Variants in TBCEL observed in about 807,000 individuals in gnomAD.
TBCEL encodes the protein tubulin-specific chaperone cofactor E-like protein.
Under a neutral mutation model 44.2 loss-of-function variants are expected in TBCEL, and 15 were observed. The observed-to-expected ratio is 0.34, with a 90% CI of 0.23 to 0.52. The LOEUF is 0.52. TBCEL is among the 20% of genes least tolerant of loss of function. The pLI, the probability that TBCEL is intolerant of heterozygous loss-of-function variation, is 0.95. For missense variants in TBCEL, 319 were observed against 506.3 expected (o/e 0.63, Z 3.55); for synonymous variants, 171 against 185.4 (o/e 0.92, Z 0.63).
At chr11:121,044,932 T>C (rs1209342579) in intron 2 of TBCEL, among the ~76,000 whole-genome samples, 1 of 152,138 alleles carries the variant, frequency 6.6e-6, no homozygotes, top group Non-Finnish European at 1.5e-5. Context: ...TTATCTGTCA[T>C]TGAAATTTCC....
Position 121,089,019 on chromosome 11 carries a change from A to G in TBCEL, c.*1923A>G, listed in dbSNP as rs1185701908. 2 of 152,222 alleles carry G rather than the reference A, an allele frequency of 1.3e-5. No homozygotes were observed. The highest frequency in any genetic ancestry group is 2.4e-5 in the African/African-American group (1 of 41,448). The allele number at this position is 152,222 out of a possible 1,614,324, so 9.4% of individuals were successfully genotyped here. On this transcript the variant is annotated 3_prime_UTR_variant, in exon 9 of 9. Transcript: ENST00000683345. ...AGATTTTTGGAAGTAGGAAAAAAGT[A>G]TGGCAACAGTGTCATGAAGATTGAA...
chr11:121,089,754 C>CAT lies in TBCEL; in HGVS notation c.*2660_*2661dup, dbSNP rs1312236182. ...TGACTTTGTCCAGATTCAGTGAGAA[C>CAT]ATAGTATTGACATTATGAGGCAAAA... is the stretch of plus-strand genomic sequence containing the variant. On this transcript the variant is annotated 3_prime_UTR_variant, in exon 9 of 9. Transcript: ENST00000683345. The CAT allele has an allele frequency of 6.6e-6, 1 of 152,098 alleles. No individual in the cohort carries two copies. Among genetic ancestry groups the CAT allele is most frequent in the Admixed American group, 6.6e-5 (1 of 15,254 alleles). The allele number at this position is 152,098 out of a possible 1,614,324, so 9.4% of individuals were successfully genotyped here.
intron 8 of TBCEL, among the ~76,000 whole-genome samples, chr11:121,085,428 G>A (rs1468055161): frequency 6.6e-6 from 1 of 152,140 alleles, no homozygotes; most frequent in Non-Finnish European, 1.5e-5. Context: ...TTTACAAAGT[G>A]TTTACTCATT....
intron 4 of TBCEL, among the ~76,000 whole-genome samples, chr11:121,052,323 CT>C (rs139344250): frequency 0.027 from 4,065 of 151,882 alleles, 146 homozygotes; most frequent in African/African-American, 0.077. Flanking sequence ...AAATGTGTCA[CT>C]TGCTATGCTA....
chr11:121,047,866 C>G (rs1439024830), intron 4 of TBCEL, 199 bp downstream of exon 4: 3 of 507,738 alleles, frequency 5.9e-6, no homozygotes, highest in Non-Finnish European at 9.5e-6. Flanking sequence ...GAGGCTGAGG[C>G]AGGAGGATCA....
In TBCEL at chr11:121,090,606, C is replaced by T. The variant is rs1447789495; in HGVS notation, c.*3510C>T. The T allele has an allele frequency of 6.6e-6, 1 of 151,686 alleles. No individual in the cohort carries two copies. Among genetic ancestry groups the T allele is most frequent in the Non-Finnish European group, 1.5e-5 (1 of 67,912 alleles). 9.4% of individuals were successfully genotyped at this position (151,686 alleles called of 1,614,324 possible). A position where few individuals can be genotyped will look rare whatever the true frequency, so the allele number is the denominator to read the frequency against. On this transcript the variant is annotated 3_prime_UTR_variant, in exon 9 of 9. Coordinates refer to ENST00000683345, the MANE Select transcript of TBCEL (RefSeq NM_001363644.2). Reference sequence around the variant, plus strand: ...TGTAGTGGTGGAGAGGGACTGGACTCTCTCAGGCTCTTTACTTGCCAGTTG... The same window carrying T: ...TGTAGTGGTGGAGAGGGACTGGACTTTCTCAGGCTCTTTACTTGCCAGTTG...
At chr11:121,082,951 G>A (rs1487300871) in intron 8 of TBCEL, among the ~76,000 whole-genome samples, 1 of 152,198 alleles carries the variant, frequency 6.6e-6, no homozygotes, top group Non-Finnish European at 1.5e-5. Context: ...TGCTTGAACT[G>A]TGTGATCTAG....
chr11:121,085,351 T>C (rs769742254), intron 8 of TBCEL, among the ~76,000 whole-genome samples: 12 of 152,332 alleles, frequency 7.9e-5, no homozygotes, highest in Admixed American at 3.3e-4. Flanking sequence ...TTATATTTTT[T>C]AATGGTTGTG....
chr11:121,047,864 G>A (rs972104731), intron 4 of TBCEL, 197 bp downstream of exon 4: 5 of 538,536 alleles, frequency 9.3e-6, no homozygotes, highest in African/African-American at 3.9e-5. Flanking sequence ...AGGAGGCTGA[G>A]GCAGGAGGAT....
intron 1 of TBCEL, among the ~76,000 whole-genome samples, chr11:121,032,874 A>G (rs1468197976): frequency 1.3e-5 from 2 of 152,242 alleles, no homozygotes; most frequent in African/African-American, 2.4e-5. Context: ...AATGACCACA[A>G]AAATGCTGCA....
intron 8 of TBCEL, among the ~76,000 whole-genome samples, chr11:121,070,382 T>C (rs1365514871): frequency 6.6e-6 from 1 of 152,210 alleles, no homozygotes; most frequent in Non-Finnish European, 1.5e-5. Context: ...TAAATCATGC[T>C]ACTATAAAGA....
intron 8 of TBCEL, among the ~76,000 whole-genome samples, chr11:121,076,087 G>A (rs1421513696): frequency 6.6e-6 from 1 of 151,832 alleles, no homozygotes; most frequent in Non-Finnish European, 1.5e-5. Flanking sequence ...GATTACTATA[G>A]CCTTATGGTA....
At chr11:121,066,329 G>C (rs1027443635) in intron 8 of TBCEL, among the ~76,000 whole-genome samples, 2 of 152,194 alleles carry the variant, frequency 1.3e-5, no homozygotes, top group African/African-American at 4.8e-5. Context: ...CCCAGTTATA[G>C]TTAGACAGGC....
chr11:121,066,944 A>AT (rs1456034309), intron 8 of TBCEL, among the ~76,000 whole-genome samples: 1 of 152,126 alleles, frequency 6.6e-6, no homozygotes, highest in African/African-American at 2.4e-5. Context: ...ATTTAATGAA[A>AT]TTTTTTTAAA....
intron 8 of TBCEL, among the ~76,000 whole-genome samples, chr11:121,085,241 T>C (rs1267216799): frequency 1.3e-5 from 2 of 152,026 alleles, no homozygotes; most frequent in African/African-American, 4.8e-5. Context: ...GGTTTCACCA[T>C]GTTGACCAGG....
chr11:121,069,344 G>T (rs921485668), intron 8 of TBCEL, among the ~76,000 whole-genome samples: 1 of 152,224 alleles, frequency 6.6e-6, no homozygotes, highest in Non-Finnish European at 1.5e-5. Context: ...TCTGCTGGAA[G>T]AGGGTACTTT....
In TBCEL at chr11:121,058,121, C is replaced by T. The variant is rs553001827; in HGVS notation, c.713-224C>T. 5.9e-5 allele frequency among the ~76,000 whole-genome samples: 9 copies of T among 151,954 alleles called. No individual in the cohort carries two copies. The East Asian group carries it at 1.2e-3, about 20-fold the overall frequency. On this transcript the variant is annotated intron_variant, in intron 6 of 8. Transcript: ENST00000683345. ...GATGAGAGGATGTTAGACAATAACA[C>T]TCTCTTAACCCGTGGATCACAGAGG...
At chr11:121,046,259 A>C (rs1371542439) in intron 3 of TBCEL, among the ~76,000 whole-genome samples, 1 of 152,132 alleles carries the variant, frequency 6.6e-6, no homozygotes, top group Non-Finnish European at 1.5e-5. Flanking sequence ...TAATATGATC[A>C]AGAAATGATT....
In TBCEL at chr11:121,076,508, G is replaced by T. The variant is rs933686320; in HGVS notation, c.957-10270G>T. On this transcript the variant is annotated intron_variant, in intron 8 of 8. Transcript: ENST00000683345. ...AGGCATAGAATTACAATTGGTATTT[G>T]TAATTGACTTTGTATTCTACAGCCT... Among the ~76,000 whole-genome samples, 5 of 151,878 alleles carry T rather than the reference G, an allele frequency of 3.3e-5. No homozygotes were observed. The East Asian group carries it at 9.6e-4, about 29-fold the overall frequency.
Sources: allele counts gnomAD v4.1 joint callset (sites outside exome capture counted in the v4.1 genomes callset), GRCh38; gene constraint gnomAD v4.1.1; transcripts MANE v1.5; gene names NCBI Gene and HGNC (gene_info 2026-07-23, HGNC 2026-07-21).